The following NID2 variants were observed in gnomAD, a reference collection of about 807,000 sequenced individuals.
NID2 encodes nidogen-2.
NID2 carries 83 observed loss-of-function variants against 145.4 expected under a neutral mutation model. That is an observed-to-expected ratio of 0.57 (90% CI 0.48 to 0.69). The LOEUF (loss-of-function observed/expected upper bound fraction) is 0.69, where lower values mean the gene tolerates loss of function less well. Among genes scored for constraint, NID2 ranks in the 30% least tolerant of loss-of-function variants. The probability of loss-of-function intolerance (pLI) is 0.00; values close to 1 mark genes in which losing one functional copy is unlikely to be tolerated. For missense variants in NID2, 1,807 were observed against 1,765.7 expected (o/e 1.02, Z -0.42); for synonymous variants, 739 against 701.3 (o/e 1.05, Z -0.85).
intron 7 of NID2, 148 bp from the exon 8 acceptor site, chr14:52,040,999 G>A (rs1464033416): frequency 1.4e-6 from 1 of 694,450 alleles, no homozygotes; most frequent in African/African-American, 1.8e-5. Context: ...ACTATCAGCT[G>A]TTGATTCCAT....
intron 5 of NID2, among the ~76,000 whole-genome samples, chr14:52,044,894 G>T (rs960198530): frequency 6.6e-6 from 1 of 152,144 alleles, no homozygotes; most frequent in Non-Finnish European, 1.5e-5. Context: ...AAAATGCTGG[G>T]ATTACAGGTA....
At chr14:52,030,505 A>G (rs1005924686) in intron 9 of NID2, among the ~76,000 whole-genome samples, 1 of 97,750 alleles carries the variant, frequency 1.0e-5, no homozygotes, top group Admixed American at 1.3e-4. Flanking sequence ...AAGAAAGAGA[A>G]AGAAAGAAAG....
At chr14:52,005,520 G>A (rs752247140) in intron 21 of NID2, 24 bp from the exon 22 acceptor site, 4 of 1,595,562 alleles carry the variant, frequency 2.5e-6, no homozygotes, top group Non-Finnish European at 3.4e-6. Flanking sequence ...GCAGGGGTGG[G>A]ACAGGGTGGT....
chr14:52,027,708 A>G (rs1019293653), intron 11 of NID2, among the ~76,000 whole-genome samples: 3 of 151,020 alleles, frequency 2.0e-5, no homozygotes, highest in Admixed American at 6.6e-5. Context: ...CCACTGAATT[A>G]AAGAGTGCAT....
intron 17 of NID2, 24 bp from the exon 18 acceptor site, chr14:52,011,071 C>A: frequency 1.9e-6 from 3 of 1,608,010 alleles, no homozygotes; most frequent in South Asian, 2.2e-5. Flanking sequence ...AAAGTCAGGA[C>A]TGGAGTGTTT....
chr14:52,064,705 T>C lies in NID2; in HGVS notation c.534+3153A>G, dbSNP rs547042444. Among the ~76,000 whole-genome samples the C allele has an allele frequency of 1.8e-4, 28 of 152,340 alleles. No homozygotes were observed. In the South Asian group the frequency reaches 5.4e-3, roughly 29 times the overall value. ...TATGTTACTGCCTGTGACTCCTTCA[T>C]CCATTTCTCTGGCCCCTTTGCTAAT... On this transcript the variant is annotated intron_variant, in intron 2 of 21. Coordinates refer to ENST00000216286, the MANE Select transcript of NID2 (RefSeq NM_007361.4).
intron 14 of NID2, among the ~76,000 whole-genome samples, chr14:52,017,822 T>C (rs1275245590): frequency 6.6e-6 from 1 of 150,548 alleles, no homozygotes; most frequent in Non-Finnish European, 1.5e-5. Flanking sequence ...CCTGACCTTT[T>C]TTTAAAAAAA....
chr14:52,037,532 C>CCT (rs898011214), intron 9 of NID2, among the ~76,000 whole-genome samples: 2 of 152,176 alleles, frequency 1.3e-5, no homozygotes, highest in African/African-American at 4.8e-5. Context: ...TTACATGTAT[C>CCT]CTTACGCCAG....
chr14:52,005,546 A>T, intron 21 of NID2, 50 bp from the exon 22 acceptor site: 1 of 1,579,408 alleles, frequency 6.3e-7, no homozygotes, highest in Non-Finnish European at 8.6e-7. Context: ...AGTATATTGT[A>T]ACCAAGTTGC....
At position 52,059,260 on chromosome 14, in the gene NID2, G is replaced by T. The variant is rs539844390; in HGVS notation, c.767+864C>A. On this transcript the variant is annotated intron_variant, in intron 3 of 21. Coordinates refer to ENST00000216286, the MANE Select transcript of NID2 (RefSeq NM_007361.4). ...TGAGTAAGCAAACCTGGCTATAGTGGTCTCTTTCTGGTAGCCGAGCAGAGT... is the reference window on the plus strand; with the variant it reads ...TGAGTAAGCAAACCTGGCTATAGTGTTCTCTTTCTGGTAGCCGAGCAGAGT... Among the ~76,000 whole-genome samples, 11 of 152,252 alleles carry T rather than the reference G, an allele frequency of 7.2e-5. No individual in the cohort carries two copies. The South Asian group carries it at 2.3e-3, about 32-fold the overall frequency.
intron 3 of NID2, among the ~76,000 whole-genome samples, chr14:52,057,445 AT>A (rs1432207597): frequency 2.6e-5 from 4 of 152,160 alleles, no homozygotes; most frequent in Non-Finnish European, 5.9e-5. Context: ...GCTTACACCC[AT>A]AATCCCTGCA....
chr14:52,023,562 G>A (rs1012637424), intron 12 of NID2, among the ~76,000 whole-genome samples: 1 of 152,130 alleles, frequency 6.6e-6, no homozygotes, highest in Non-Finnish European at 1.5e-5. Flanking sequence ...CCTGAGTAAT[G>A]ATGGCTCTGG....
At chr14:52,031,999 C>T (rs1244300724) in intron 9 of NID2, among the ~76,000 whole-genome samples, 1 of 152,174 alleles carries the variant, frequency 6.6e-6, no homozygotes, top group Non-Finnish European at 1.5e-5. Flanking sequence ...CTGCAGCTGA[C>T]CTCATAGACT....
At chr14:52,019,707 G>T (rs904019738) in intron 13 of NID2, among the ~76,000 whole-genome samples, 1 of 152,156 alleles carries the variant, frequency 6.6e-6, no homozygotes, top group East Asian at 1.9e-4. Flanking sequence ...TAACACGGTC[G>T]CCACGGGCTT....
Position 52,010,924 on chromosome 14 carries a change from T to C in NID2, c.3674A>G (p.Tyr1225Cys). The change falls in exon 18 of 22, where the codon TAC (tyrosine) becomes TGC (cysteine). Residue 1225 changes from tyrosine (Y) to cysteine (C), a missense_variant. Transcript: ENST00000216286. ...GGCACGGGGATTCACCAGATCTGTG[T>C]AGAAGAGGACCTTGCGCTCAGAGCC... ...LDGSERKVLF[Y>C]TDLVNPRAIA... The C allele has an allele frequency of 1.9e-6, 3 of 1,613,924 alleles. No individual in the cohort carries two copies. Among genetic ancestry groups the C allele is most frequent in the Non-Finnish European group, 2.5e-6 (3 of 1,180,038 alleles).
chr14:52,005,851 T>A lies in NID2; in HGVS notation c.4005-2A>T. ...TTATTTACTGATACAACACCATCCC[T>A]GGTAACAGAAAGGAAGAGTGAATTC... On this transcript the variant is annotated splice_acceptor_variant, in intron 20 of 21. Coordinates refer to ENST00000216286, the MANE Select transcript of NID2 (RefSeq NM_007361.4). LOFTEE classifies it high-confidence loss of function. 6.3e-7 allele frequency: 1 copy of A among 1,597,894 alleles called. No homozygotes were observed. The highest frequency in any genetic ancestry group is 8.6e-7 in the Non-Finnish European group (1 of 1,165,334).
At chr14:52,061,095 G>A (rs550450904) in intron 2 of NID2, among the ~76,000 whole-genome samples, 7 of 152,226 alleles carry the variant, frequency 4.6e-5, no homozygotes, top group South Asian at 4.1e-4. Flanking sequence ...GGCTGCATAC[G>A]TCCCTCCCAG....
intron 5 of NID2, among the ~76,000 whole-genome samples, chr14:52,045,654 TTA>T (rs753315746): frequency 8.4e-4 from 128 of 151,858 alleles, no homozygotes; most frequent in Non-Finnish European, 1.3e-3. Flanking sequence ...AAAAAAACAT[TTA>T]GAGTAAAAGG....
At chr14:52,068,430 T>C (rs1345403171) in intron 1 of NID2, among the ~76,000 whole-genome samples, 1 of 152,136 alleles carries the variant, frequency 6.6e-6, no homozygotes, top group Non-Finnish European at 1.5e-5. Flanking sequence ...AGAGGAAGCC[T>C]CCAGGTCTGA....
Sources: allele counts gnomAD v4.1 joint callset (sites outside exome capture counted in the v4.1 genomes callset), GRCh38; gene constraint gnomAD v4.1.1; transcripts MANE v1.5; gene names NCBI Gene and HGNC (gene_info 2026-07-23, HGNC 2026-07-21).